The following MTMR2 variants were observed in gnomAD, a reference collection of about 807,000 sequenced individuals.
The protein encoded by MTMR2 is myotubularin related protein 2.
In MTMR2, 55 loss-of-function variants were observed where a neutral mutation model predicts 86.9. The observed-to-expected ratio is 0.63, with a 90% CI of 0.51 to 0.79. The LOEUF (loss-of-function observed/expected upper bound fraction) is 0.79. Among genes scored for constraint, MTMR2 ranks in the 30% least tolerant of loss-of-function variants. The pLI is 0.00. For missense variants in MTMR2, 659 were observed against 772.3 expected (o/e 0.85, Z 1.74); for synonymous variants, 241 against 266.8 (o/e 0.90, Z 0.94).
chr11:95,875,147 T>G (rs1244641782), intron 2 of MTMR2, among the ~76,000 whole-genome samples: 1 of 152,232 alleles, frequency 6.6e-6, no homozygotes, highest in African/African-American at 2.4e-5. Context: ...TGGCCTGCCT[T>G]GCTAGATTGG....
intron 12 of MTMR2, among the ~76,000 whole-genome samples, chr11:95,839,332 C>T (rs1863435538): frequency 6.6e-6 from 1 of 151,926 alleles, no homozygotes; most frequent in Non-Finnish European, 1.5e-5. Flanking sequence ...CCCATTTATT[C>T]CTTTAAAAAA....
At chr11:95,890,301 T>C (rs891877315) in intron 1 of MTMR2, among the ~76,000 whole-genome samples, 2 of 152,204 alleles carry the variant, frequency 1.3e-5, no homozygotes, top group Non-Finnish European at 2.9e-5. Flanking sequence ...TGCCTTAAAA[T>C]AACAGGCAAA....
intron 3 of MTMR2, 40 bp downstream of exon 3, chr11:95,865,561 G>A: frequency 6.5e-7 from 1 of 1,531,468 alleles, no homozygotes; most frequent in Non-Finnish European, 9.0e-7. Flanking sequence ...CTGCACAGTA[G>A]AACGGAGAAG....
chr11:95,845,882 T>TTA (rs1405907157), intron 10 of MTMR2, among the ~76,000 whole-genome samples: 2 of 90,100 alleles, frequency 2.2e-5, no homozygotes, highest in Non-Finnish European at 4.1e-5. Flanking sequence ...TATGGTATCT[T>TTA]AAAAAAAAAA....
intron 7 of MTMR2, among the ~76,000 whole-genome samples, chr11:95,854,594 T>G (rs1334755195): frequency 6.7e-6 from 1 of 148,338 alleles, no homozygotes; most frequent in African/African-American, 2.5e-5. Context: ...GCCTCCAGAG[T>G]AGCTAGGACT....
intron 2 of MTMR2, among the ~76,000 whole-genome samples, chr11:95,883,260 AT>A (rs758828682): frequency 1.3e-5 from 2 of 152,136 alleles, no homozygotes; most frequent in East Asian, 3.8e-4. Flanking sequence ...AAAATCCTAT[AT>A]TTTGTGGGAT....
chr11:95,870,275 T>G (rs553998), intron 2 of MTMR2, among the ~76,000 whole-genome samples: 42,671 of 151,940 alleles, frequency 0.28, 10,765 homozygotes, highest in African/African-American at 0.68. Flanking sequence ...TAAACTTTAT[T>G]TTGTGTTCAG....
intron 1 of MTMR2, among the ~76,000 whole-genome samples, chr11:95,914,475 C>A (rs940705374): frequency 2.0e-5 from 3 of 152,038 alleles, no homozygotes. Flanking sequence ...TAAAACTGTT[C>A]TTTTGAATGA....
At chr11:95,864,185 A>G (rs1458635826) in intron 3 of MTMR2, among the ~76,000 whole-genome samples, 1 of 152,186 alleles carries the variant, frequency 6.6e-6, no homozygotes, top group Non-Finnish European at 1.5e-5. Context: ...AGGGGTTCAC[A>G]CTGGAGATAA....
chr11:95,905,482 CAT>C (rs1310547082), intron 1 of MTMR2, among the ~76,000 whole-genome samples: 1 of 152,000 alleles, frequency 6.6e-6, no homozygotes, highest in African/African-American at 2.4e-5. Context: ...TGTTAAAATG[CAT>C]AAGACATAAA....
chr11:95,891,381 G>A (rs1865706693), intron 1 of MTMR2, among the ~76,000 whole-genome samples: 1 of 151,704 alleles, frequency 6.6e-6, no homozygotes, highest in Non-Finnish European at 1.5e-5. Flanking sequence ...AACCTGGCAG[G>A]TAGAGGTTGC....
chr11:95,840,277 G>A, intron 12 of MTMR2, among the ~76,000 whole-genome samples: 1 of 152,074 alleles, frequency 6.6e-6, no homozygotes, highest in Non-Finnish European at 1.5e-5. Context: ...GTTTCAAAGA[G>A]CTTTCCTACT....
intron 1 of MTMR2, among the ~76,000 whole-genome samples, chr11:95,903,554 C>T (rs1866151582): frequency 6.6e-6 from 1 of 152,182 alleles, no homozygotes; most frequent in South Asian, 2.1e-4. Context: ...ACCCTTAATA[C>T]TGCCTAGATA....
At chr11:95,921,813 C>G (rs1357437440) in intron 1 of MTMR2, among the ~76,000 whole-genome samples, 2 of 152,186 alleles carry the variant, frequency 1.3e-5, no homozygotes, top group Non-Finnish European at 2.9e-5. Context: ...GGCTAATCTA[C>G]TATATCACAA....
chr11:95,874,792 G>A (rs542377225), intron 2 of MTMR2, among the ~76,000 whole-genome samples: 12 of 152,138 alleles, frequency 7.9e-5, no homozygotes, highest in Non-Finnish European at 8.8e-5. Flanking sequence ...CAGGCCTGGC[G>A]GTGACAAAAA....
intron 1 of MTMR2, among the ~76,000 whole-genome samples, chr11:95,902,133 T>C (rs537158516): frequency 2.0e-5 from 3 of 152,340 alleles, no homozygotes; most frequent in African/African-American, 7.2e-5. Context: ...TTAGTAGCCA[T>C]GTGACCATGG....
chr11:95,846,642 G>A (rs1863805716), intron 10 of MTMR2, among the ~76,000 whole-genome samples: 1 of 152,154 alleles, frequency 6.6e-6, no homozygotes, highest in African/African-American at 2.4e-5. Context: ...TAACTCTAGG[G>A]AAATTTGATT....
intron 11 of MTMR2, 109 bp downstream of exon 11, chr11:95,844,844 A>T: frequency 1.0e-6 from 1 of 1,003,476 alleles, no homozygotes; most frequent in Non-Finnish European, 1.5e-6. Flanking sequence ...TTACCCCACT[A>T]GATAAATGAT....
At chr11:95,922,020 CA>C (rs1866947850) in intron 1 of MTMR2, among the ~76,000 whole-genome samples, 1 of 152,096 alleles carries the variant, frequency 6.6e-6, no homozygotes, top group East Asian at 1.9e-4. Context: ...AAATCCAAAA[CA>C]AAGGTTATTT....
Sources: gnomAD v4.1 joint callset for allele counts (sites outside exome capture counted in the v4.1 genomes callset) on GRCh38, gnomAD v4.1.1 for gene constraint, MANE v1.5 for transcripts, NCBI Gene and HGNC (gene_info 2026-07-23, HGNC 2026-07-21) for gene names.